NPR2: variants seen among roughly 807,000 people sequenced by gnomAD.
NPR2 encodes the protein natriuretic peptide receptor 2.
Under a neutral mutation model 120.7 loss-of-function variants are expected in NPR2, and 49 were observed. The ratio of observed to expected loss-of-function variants is 0.41; its 90% CI spans 0.32 to 0.52. NPR2 has a LOEUF of 0.52. NPR2 is among the 20% of genes least tolerant of loss of function. NPR2 has a pLI of 0.36. For synonymous variants in NPR2, 484 were observed against 519.8 expected (o/e 0.93, Z 0.94); for missense variants, 931 against 1,362.9 (o/e 0.68, Z 4.99).
Position 35,806,898 on chromosome 9 carries a change from C to T in NPR2, c.2520-125C>T. The T allele has an allele frequency of 9.1e-7, 1 of 1,094,746 alleles. No individual in the cohort carries two copies. The highest frequency in any genetic ancestry group is 1.4e-6 in the Non-Finnish European group (1 of 735,892). The allele number at this position is 1,094,746 out of a possible 1,614,324, so 67.8% of individuals were successfully genotyped here. On this transcript the variant is annotated intron_variant, in intron 16 of 21. Coordinates refer to ENST00000342694, the MANE Select transcript of NPR2 (RefSeq NM_003995.4). This position sits in a 1 kb window ranked among gnomAD's most constrained non-coding sequence, Gnocchi z 4.6. ...TAATGTCTTCCCAGCCACTTTCCTC[C>T]CTCCCACCTGAAAAGCCTAGCTTTC...
chr9:35,803,887 G>A (rs1032027477), intron 12 of NPR2, among the ~76,000 whole-genome samples: 6 of 152,218 alleles, frequency 3.9e-5, no homozygotes, highest in African/African-American at 1.4e-4. Context: ...CTCAACTAGA[G>A]GTGTGATGAT....
rs769573364 is a variant in NPR2, at chr9:35,805,687, C to G, written c.2047+17C>G. 1 of 1,613,846 alleles carries G rather than the reference C, an allele frequency of 6.2e-7. No individual in the cohort carries two copies. ...TCTATGCCAGTGAGGCCCACCCCCA[C>G]AACCCACTTTTTATATTGCTCCTCT... is the stretch of plus-strand genomic sequence containing the variant. On this transcript the variant is annotated intron_variant, in intron 13 of 21. Transcript: ENST00000342694. This position sits in a 1 kb window ranked among gnomAD's most constrained non-coding sequence, Gnocchi z 4.9.
In NPR2 at chr9:35,808,635, C is replaced by T. The variant is rs747265881; in HGVS notation, c.2839C>T (p.Arg947Cys). 7.3e-5 allele frequency: 118 copies of T among 1,614,140 alleles called. 2 individuals are homozygous for T. The South Asian group carries it at 9.4e-4, about 13-fold the overall frequency. ...LLDAVSSFRI[R>C]HRPHDQLRLR... Reference sequence around the variant, plus strand: ...AGATGCAGTTTCTTCCTTTCGCATCCGCCACCGACCCCATGACCAGCTGAG... The same window carrying T: ...AGATGCAGTTTCTTCCTTTCGCATCTGCCACCGACCCCATGACCAGCTGAG... The change falls in exon 19 of 22, where the codon CGC (arginine) becomes TGC (cysteine). Residue 947 changes from arginine (R) to cysteine (C), a missense_variant. Physicochemically the swap from Arg to Cys is radical, Grantham distance 180. Transcript: ENST00000342694. The surrounding 1 kb of genome is among the most constrained non-coding windows in gnomAD (Gnocchi z 4.0).
Position 35,805,657 on chromosome 9 carries a change from T to C in NPR2, c.2034T>C (p.His678=). The part of the protein sequence containing the change: ...FRSTAEPDDS[H]ALYAKKLWTA... ...CAACTGCTGAACCTGATGACAGCCA[T>C]GCCCTCTATGCCAGTGAGGCCCACC... The change falls in exon 13 of 22, where the codon CAT becomes CAC. Residue 678 remains histidine (H), a synonymous_variant. Transcript: ENST00000342694. This position sits in a 1 kb window ranked among gnomAD's most constrained non-coding sequence, Gnocchi z 4.9. The C allele has an allele frequency of 3.1e-6, 5 of 1,614,054 alleles. No individual in the cohort carries two copies. Among genetic ancestry groups the C allele is most frequent in the Non-Finnish European group, 4.2e-6 (5 of 1,180,028 alleles).
At position 35,806,010 on chromosome 9, in the gene NPR2, GC is replaced by G; in HGVS notation, c.2203+27del. ...GGTAAGAGTCAATCCACTACCCACA[GC>G]CTCTTCTTCCTGGGGGAACTCTGTT... On this transcript the variant is annotated intron_variant, in intron 14 of 21. Transcript: ENST00000342694. The surrounding 1 kb of genome is among the most constrained non-coding windows in gnomAD (Gnocchi z 4.6). The G allele has an allele frequency of 6.2e-7, 1 of 1,614,172 alleles. No homozygotes were observed. Among genetic ancestry groups the G allele is most frequent in the East Asian group, 2.2e-5 (1 of 44,880 alleles).
chr9:35,800,214 G>T lies in NPR2; in HGVS notation c.1123+57G>T, dbSNP rs576349929. The T allele has an allele frequency of 3.2e-6, 5 of 1,546,170 alleles. No homozygotes were observed. In the South Asian group the frequency reaches 5.6e-5, roughly 17 times the overall value. ...GCTGATGTCAGGAATAGAGTGGGCT[G>T]AAGAAGAAACAGATGTCAGGATCAC... On this transcript the variant is annotated intron_variant, in intron 4 of 21. Transcript: ENST00000342694. The surrounding 1 kb of genome is among the most constrained non-coding windows in gnomAD (Gnocchi z 4.7).
In NPR2 at chr9:35,800,175, A is replaced by G. The variant is rs777188828; in HGVS notation, c.1123+18A>G. 17 of 1,609,770 alleles carry G rather than the reference A, an allele frequency of 1.1e-5. No homozygotes were observed. Among genetic ancestry groups the G allele is most frequent in the South Asian group, 5.5e-5 (5 of 90,986 alleles). ...ATATCACGGTAATGAAGAGGGGTCA[A>G]TGGGGGTCTGAGGGCTGATGTCAGG... On this transcript the variant is annotated intron_variant, in intron 4 of 21. Transcript: ENST00000342694. This position sits in a 1 kb window ranked among gnomAD's most constrained non-coding sequence, Gnocchi z 4.7.
intron 17 of NPR2, 35 bp downstream of exon 17, chr9:35,807,181 T>C (rs780252866): frequency 1.6e-5 from 5 of 311,876 alleles, no homozygotes; most frequent in Non-Finnish European, 3.1e-5. Flanking sequence ...CGGGTGGGGT[T>C]GGGTGGGTAG....
In NPR2 at chr9:35,807,011, C is replaced by G; in HGVS notation, c.2520-12C>G. ...CTTGGAGTTTGGCTCATACGGCACC[C>G]TTGCTTCCTAGTTCAGTGGCAGAGC... On this transcript the variant is annotated splice_polypyrimidine_tract_variant and intron_variant, in intron 16 of 21. Coordinates refer to ENST00000342694, the MANE Select transcript of NPR2 (RefSeq NM_003995.4). 1 of 1,614,092 alleles carries G rather than the reference C, an allele frequency of 6.2e-7. No homozygotes were observed. Among genetic ancestry groups the G allele is most frequent in the Non-Finnish European group, 8.5e-7 (1 of 1,179,978 alleles).
At chr9:35,794,374 G>T (rs1039711963) in intron 2 of NPR2, among the ~76,000 whole-genome samples, 7 of 152,212 alleles carry the variant, frequency 4.6e-5, no homozygotes, top group African/African-American at 1.7e-4. Flanking sequence ...CTATATTGTG[G>T]GGGAGAAAAG....
rs1828359263 is a variant in NPR2 at position 35,805,955 on chromosome 9, T to C, written c.2173T>C (p.Tyr725His). The part of the protein sequence containing the change: ...QEIALRSGPF[Y>H]LEGLDLSPKE... ...GATAGCACTTCGCAGTGGTCCTTTC[T>C]ACTTGGAGGGCCTGGACCTCAGCCC... Residue 725 changes from tyrosine (Y) to histidine (H), a missense_variant, in exon 14 of 22, where the codon TAC becomes CAC. By Grantham distance (83) the Tyr-to-His change is moderately conservative. Coordinates refer to ENST00000342694, the MANE Select transcript of NPR2 (RefSeq NM_003995.4). This position sits in a 1 kb window ranked among gnomAD's most constrained non-coding sequence, Gnocchi z 4.9. 6.2e-7 allele frequency: 1 copy of C among 1,614,246 alleles called. No homozygotes were observed. Among genetic ancestry groups the C allele is most frequent in the Non-Finnish European group, 8.5e-7 (1 of 1,180,038 alleles).
In NPR2 at chr9:35,792,239, T is replaced by A; in HGVS notation, c.-170T>A. 2.2e-5 allele frequency: 8 copies of A among 364,084 alleles called. No individual in the cohort carries two copies. Among genetic ancestry groups the A allele is most frequent in the East Asian group, 6.0e-5 (1 of 16,734 alleles). 22.6% of individuals were successfully genotyped at this position (364,084 alleles called of 1,614,324 possible). On this transcript the variant is annotated 5_prime_UTR_variant, in exon 1 of 22. Transcript: ENST00000342694. ...GCCCGCCCCCCGCCTTCCTCCCATCTCCCCCTCCTCTCCCCGGCCCCCAGC... is the reference window on the plus strand; with the variant it reads ...GCCCGCCCCCCGCCTTCCTCCCATCACCCCCTCCTCTCCCCGGCCCCCAGC...
At chr9:35,796,255 T>G (rs572863542) in intron 2 of NPR2, among the ~76,000 whole-genome samples, 1 of 152,322 alleles carries the variant, frequency 6.6e-6, no homozygotes, top group South Asian at 2.1e-4. Context: ...TGATCACAGC[T>G]GCTCACTGCA....
At chr9:35,807,193 G>C in intron 17 of NPR2, 47 bp downstream of exon 17, 1 of 1,336,972 alleles carries the variant, frequency 7.5e-7, no homozygotes, top group Non-Finnish European at 1.1e-6. Context: ...GGTGGGTAGG[G>C]ACCTGGGGAA....
chr9:35,803,431 CTCAT>C (rs1412901312), intron 12 of NPR2, among the ~76,000 whole-genome samples: 2 of 152,144 alleles, frequency 1.3e-5, no homozygotes, highest in African/African-American at 2.4e-5. Context: ...TGTTTTTCCT[CTCAT>C]TATTTTACTC....
chr9:35,808,177 C>G lies in NPR2; in HGVS notation c.2713-332C>G, dbSNP rs113013693. ...CACTGGGCCTGCTTTACCTCCTCAC[C>G]AGCCTCTGTCCTCTTGAGTTACCGT... is the stretch of plus-strand genomic sequence containing the variant. On this transcript the variant is annotated intron_variant, in intron 18 of 21. Coordinates refer to ENST00000342694, the MANE Select transcript of NPR2 (RefSeq NM_003995.4). The surrounding 1 kb of genome is among the most constrained non-coding windows in gnomAD (Gnocchi z 4.0). 223 of 1,613,460 alleles carry G rather than the reference C, an allele frequency of 1.4e-4. No individual in the cohort carries two copies. The African/African-American group carries it at 2.8e-3, about 20-fold the overall frequency.
Position 35,800,198 on chromosome 9 carries a change from A to G in NPR2, c.1123+41A>G, listed in dbSNP as rs1478238227. Reference sequence around the variant, plus strand: ...CAATGGGGGTCTGAGGGCTGATGTCAGGAATAGAGTGGGCTGAAGAAGAAA... The same window carrying G: ...CAATGGGGGTCTGAGGGCTGATGTCGGGAATAGAGTGGGCTGAAGAAGAAA... On this transcript the variant is annotated intron_variant, in intron 4 of 21. Coordinates refer to ENST00000342694, the MANE Select transcript of NPR2 (RefSeq NM_003995.4). The surrounding 1 kb of genome is among the most constrained non-coding windows in gnomAD (Gnocchi z 4.7). The G allele has an allele frequency of 6.3e-7, 1 of 1,581,356 alleles. No individual in the cohort carries two copies. Among genetic ancestry groups the G allele is most frequent in the East Asian group, 2.2e-5 (1 of 44,728 alleles).
In NPR2 at chr9:35,809,411, TAGG is replaced by T. The variant is rs1828637001; in HGVS notation, c.3113_3115del (p.Gly1038del). On this transcript the variant is annotated inframe_deletion, in exon 22 of 22. Transcript: ENST00000342694. This position sits in a 1 kb window ranked among gnomAD's most constrained non-coding sequence, Gnocchi z 4.1. The stretch of plus-strand genomic sequence containing the variant: ...GGAAAGATGCGAACATACTGGCTCT[TAGG>T]AGAGCGGAAAGGACCTCCTGGACTC... The T allele has an allele frequency of 6.2e-7, 1 of 1,614,202 alleles. No individual in the cohort carries two copies.
chr9:35,799,845 G>A (rs957717902), intron 3 of NPR2, 114 bp downstream of exon 3: 13 of 1,368,820 alleles, frequency 9.5e-6, no homozygotes, highest in East Asian at 6.9e-5. Flanking sequence ...GGGGGTCTCC[G>A]CTTCTGTCCA....
Sources: allele counts gnomAD v4.1 joint callset (sites outside exome capture counted in the v4.1 genomes callset), GRCh38; gene constraint gnomAD v4.1.1; non-coding constraint Gnocchi (gnomAD v3.1); transcripts MANE v1.5; gene names NCBI Gene and HGNC (gene_info 2026-07-23, HGNC 2026-07-21).